The following AS3MT variants were observed in gnomAD, a reference collection of about 807,000 sequenced individuals.
The protein encoded by AS3MT is arsenite methyltransferase, also known as S-adenosyl-L-methionine:arsenic(III) methyltransferase.
A neutral mutation model predicts 45.3 loss-of-function variants in AS3MT; 47 were observed. The observed-to-expected ratio is 1.04, with a 90% CI of 0.82 to 1.32. The LOEUF (loss-of-function observed/expected upper bound fraction) is 1.32. AS3MT is among the 40% of genes most tolerant of loss of function. The probability of loss-of-function intolerance (pLI) is 0.00; values close to 1 mark genes in which losing one functional copy is unlikely to be tolerated. For missense variants in AS3MT, 396 were observed against 451.1 expected, an observed-to-expected ratio of 0.88 and a Z score of 1.11; for synonymous variants, 141 against 152.8, an observed-to-expected ratio of 0.92 and a Z score of 0.57.
At chr10:102,877,080 A>T in intron 7 of AS3MT, 45 bp downstream of exon 7, 1 of 1,567,164 alleles carries the variant, frequency 6.4e-7, no homozygotes, top group Non-Finnish European at 8.8e-7. Context: ...ATGGTTGTAC[A>T]TGTGCAGAAC....
chr10:102,883,087 TA>T (rs371840926), intron 9 of AS3MT, among the ~76,000 whole-genome samples: 60,305 of 148,168 alleles, frequency 0.41, 12,675 homozygotes, highest in East Asian at 0.57. Context: ...CAAAATGTTT[TA>T]TATATATATA....
At chr10:102,890,351 T>A (rs1248390903) in intron 9 of AS3MT, among the ~76,000 whole-genome samples, 193 bp from the exon 10 acceptor site, 1 of 152,044 alleles carries the variant, frequency 6.6e-6, no homozygotes, top group East Asian at 1.9e-4. Flanking sequence ...GGTCATATAG[T>A]AGTTCTATTT....
intron 9 of AS3MT, among the ~76,000 whole-genome samples, chr10:102,883,059 A>G (rs1844889635): frequency 6.6e-6 from 1 of 151,110 alleles, no homozygotes; most frequent in Non-Finnish European, 1.5e-5. Context: ...ACCATTTTTA[A>G]TACAATTATT....
At chr10:102,870,966 G>C (rs1393519712) in intron 3 of AS3MT, among the ~76,000 whole-genome samples, 2 of 152,078 alleles carry the variant, frequency 1.3e-5, no homozygotes, top group East Asian at 3.9e-4. Context: ...CCTACGCGGC[G>C]GGGAGCGGTG....
At chr10:102,877,534 G>T in intron 7 of AS3MT, among the ~76,000 whole-genome samples, 1 of 142,508 alleles carries the variant, frequency 7.0e-6, no homozygotes, top group Admixed American at 7.1e-5. Context: ...TAATAAATAG[G>T]TACCGTTAAC....
rs1844864899 is a variant in AS3MT, at chr10:102,881,361, C to A, written c.885+2370C>A. Among the ~76,000 whole-genome samples the A allele has an allele frequency of 6.6e-6, 1 of 152,144 alleles. No homozygotes were observed. The highest frequency in any genetic ancestry group is 2.1e-4 in the South Asian group (1 of 4,828). ...GCTGACTTGATTACTGAATCCAGAA[C>A]AAAATTATGCTAAATCTCTCTGGTA... On this transcript the variant is annotated intron_variant, in intron 9 of 10. Transcript: ENST00000369880. This position sits in a 1 kb window ranked among gnomAD's most constrained non-coding sequence, Gnocchi z 4.2.
At chr10:102,887,623 T>G (rs942391335) in intron 9 of AS3MT, among the ~76,000 whole-genome samples, 4 of 152,196 alleles carry the variant, frequency 2.6e-5, no homozygotes, top group Non-Finnish European at 5.9e-5. Flanking sequence ...GATGTAAGTA[T>G]AGCTACTCCT....
chr10:102,874,555 T>C, intron 5 of AS3MT, 37 bp from the exon 6 acceptor site: 1 of 1,452,598 alleles, frequency 6.9e-7, no homozygotes, highest in Non-Finnish European at 9.5e-7. Context: ...CTGAGTGTTG[T>C]GAAGATTTGC....
chr10:102,892,905 G>A (rs1333474429), intron 10 of AS3MT, among the ~76,000 whole-genome samples: 2 of 151,762 alleles, frequency 1.3e-5, no homozygotes, highest in Non-Finnish European at 2.9e-5. Flanking sequence ...GCTTGAGCCC[G>A]GGAGGCGGAG....
At chr10:102,882,533 C>T (rs896352272) in intron 9 of AS3MT, among the ~76,000 whole-genome samples, 2 of 152,156 alleles carry the variant, frequency 1.3e-5, no homozygotes, top group Non-Finnish European at 2.9e-5. Context: ...GATCCTTCCA[C>T]CTCAGCCTTC....
At chr10:102,898,077 A>C (rs753448841) in intron 10 of AS3MT, among the ~76,000 whole-genome samples, 11 of 152,062 alleles carry the variant, frequency 7.2e-5, no homozygotes, top group Non-Finnish European at 1.5e-5. Flanking sequence ...GTGACCTAGG[A>C]ATATAACCTT....
chr10:102,891,277 G>A (rs1256536751), intron 10 of AS3MT, among the ~76,000 whole-genome samples: 2 of 152,162 alleles, frequency 1.3e-5, no homozygotes, highest in African/African-American at 2.4e-5. Flanking sequence ...CCTAATGATC[G>A]CCTGACATTC....
At chr10:102,880,495 C>T (rs1225690540) in intron 9 of AS3MT, among the ~76,000 whole-genome samples, 1 of 152,026 alleles carries the variant, frequency 6.6e-6, no homozygotes, top group Admixed American at 6.6e-5. Flanking sequence ...TTGTCCCATA[C>T]AAATTTGGGC....
chr10:102,878,292 C>A, intron 7 of AS3MT, 87 bp from the exon 8 acceptor site: 1 of 1,510,372 alleles, frequency 6.6e-7, no homozygotes, highest in Non-Finnish European at 8.9e-7. Flanking sequence ...ATACCATGTC[C>A]TAATTAATTA....
chr10:102,893,059 A>C (rs998531131), intron 10 of AS3MT, among the ~76,000 whole-genome samples: 6 of 69,350 alleles, frequency 8.7e-5, no homozygotes, highest in Non-Finnish European at 2.0e-4. Flanking sequence ...GAAAGACCAC[A>C]AAAAAAAAAA....
chr10:102,878,719 T>C (rs1844826277), intron 8 of AS3MT, 130 bp from the exon 9 acceptor site: 1 of 1,343,262 alleles, frequency 7.4e-7, no homozygotes, highest in South Asian at 1.5e-5. Flanking sequence ...TAGAGTGAAG[T>C]GCTCAGAAAG....
rs918991274 is a variant in AS3MT, at chr10:102,901,428, C to T, written c.*728C>T. On this transcript the variant is annotated 3_prime_UTR_variant, in exon 11 of 11. Transcript: ENST00000369880. Reference sequence around the variant, plus strand: ...CAGGATGGTCTTGATCTCCTGACCTCGTGATCCGCCCGCCTCGGCCTCCCA... The same window carrying T: ...CAGGATGGTCTTGATCTCCTGACCTTGTGATCCGCCCGCCTCGGCCTCCCA... The T allele has an allele frequency of 1.3e-5, 2 of 151,970 alleles. No individual in the cohort carries two copies. The highest frequency in any genetic ancestry group is 2.4e-5 in the African/African-American group (1 of 41,362). 9.4% of individuals were successfully genotyped at this position (151,970 alleles called of 1,614,324 possible).
intron 10 of AS3MT, among the ~76,000 whole-genome samples, chr10:102,899,125 C>T (rs554500721): frequency 6.6e-6 from 1 of 152,292 alleles, no homozygotes; most frequent in Admixed American, 6.5e-5. Flanking sequence ...GATTCTCCCA[C>T]CTCAGCCTCA....
chr10:102,889,546 G>A (rs1286680429), intron 9 of AS3MT, among the ~76,000 whole-genome samples: 1 of 152,036 alleles, frequency 6.6e-6, no homozygotes, highest in Admixed American at 6.6e-5. Flanking sequence ...GTCAACATTA[G>A]GAGTGCAGAT....
Sources: allele counts gnomAD v4.1 joint callset (sites outside exome capture counted in the v4.1 genomes callset), GRCh38; gene constraint gnomAD v4.1.1; non-coding constraint Gnocchi (gnomAD v3.1); transcripts MANE v1.5; gene names NCBI Gene and HGNC (gene_info 2026-07-23, HGNC 2026-07-21).